NRIP1: variants seen among roughly 807,000 people sequenced by gnomAD.
The protein encoded by NRIP1 is nuclear receptor-interacting protein 1.
A neutral mutation model predicts 75.0 loss-of-function variants in NRIP1; 28 were observed. The ratio of observed to expected loss-of-function variants is 0.37; its 90% CI spans 0.28 to 0.51. NRIP1 has a LOEUF of 0.51. Ranked by LOEUF, NRIP1 falls within the 20% of genes least tolerant of loss-of-function variation. NRIP1 has a pLI of 0.92. For synonymous variants in NRIP1, 526 were observed against 487.6 expected (o/e 1.08, Z -1.04); for missense variants, 1,435 against 1,343.7 (o/e 1.07, Z -1.06).
At chr21:15,045,018 A>G (rs2089039043) in intron 1 of NRIP1, among the ~76,000 whole-genome samples, 1 of 152,218 alleles carries the variant, frequency 6.6e-6, no homozygotes, top group South Asian at 2.1e-4. Context: ...ACCAACTACA[A>G]TGAAAAATAT....
rs1600796266 is a variant in NRIP1, at chr21:14,963,541, T to C, written c.*1175A>G. On this transcript the variant is annotated 3_prime_UTR_variant, in exon 4 of 4. Transcript: ENST00000318948. ...AATTTTGAGCTGATGTGTGACTGTA[T>C]TGGGGAAAATAGAGGCATCACATAG... 1.3e-5 allele frequency: 2 copies of C among 152,518 alleles called. No homozygotes were observed. The highest frequency in any genetic ancestry group is 1.3e-4 in the Admixed American group (2 of 15,258). 9.4% of individuals were successfully genotyped at this position (152,518 alleles called of 1,614,324 possible).
At chr21:14,978,463 G>T (rs1343912545) in intron 3 of NRIP1, among the ~76,000 whole-genome samples, 2 of 152,118 alleles carry the variant, frequency 1.3e-5, no homozygotes, top group African/African-American at 4.8e-5. Flanking sequence ...CTTCTGTAGG[G>T]TCACAGAATT....
chr21:15,046,268 C>A (rs2089072262), intron 1 of NRIP1, among the ~76,000 whole-genome samples: 1 of 152,202 alleles, frequency 6.6e-6, no homozygotes. Flanking sequence ...ACTCCTTGAT[C>A]CACAGGCTAC....
chr21:14,983,030 C>G (rs1165361540), intron 3 of NRIP1, among the ~76,000 whole-genome samples: 3 of 151,878 alleles, frequency 2.0e-5, no homozygotes, highest in African/African-American at 7.3e-5. Flanking sequence ...CTTTTTATTG[C>G]CTGAGACACA....
At position 14,964,956 on chromosome 21, in the gene NRIP1, A is replaced by G. The variant is rs952504344; in HGVS notation, c.3237T>C (p.Val1079=). 6.2e-7 allele frequency: 1 copy of G among 1,613,996 alleles called. No homozygotes were observed. The highest frequency in any genetic ancestry group is 1.3e-5 in the African/African-American group (1 of 75,040). Residue 1079 remains valine (V), a synonymous_variant, in exon 4 of 4, where the codon GTT becomes GTC. Coordinates refer to ENST00000318948, the MANE Select transcript of NRIP1 (RefSeq NM_003489.4). The part of the protein sequence containing the change: ...YYMLQKGGNS[V]TSRETQDKDI... ...CCTTGTCTTGTGTTTCTCGACTGGT[A>G]ACAGAATTGCCTCCTTTTTGAAGCA...
In NRIP1 at chr21:14,967,975, T is replaced by C. The variant is rs1375310478; in HGVS notation, c.218A>G (p.Tyr73Cys). The C allele has an allele frequency of 6.2e-7, 1 of 1,613,998 alleles. No homozygotes were observed. The highest frequency in any genetic ancestry group is 2.2e-5 in the East Asian group (1 of 44,858). Residue 73 changes from tyrosine (Y) to cysteine (C), a missense_variant, in exon 4 of 4, where the codon TAT becomes TGT. Physicochemically the swap from Tyr to Cys is radical, Grantham distance 194. Transcript: ENST00000318948. Reference protein sequence around the residue: ...SNGPVLNTHTYQGSGMLHLKK... With the variant: ...SNGPVLNTHTCQGSGMLHLKK... ...GAGGTGCAGCATGCCAGACCCCTGATATGTATGTGTATTGAGAACTGGACC... is the reference window on the plus strand; with the variant it reads ...GAGGTGCAGCATGCCAGACCCCTGACATGTATGTGTATTGAGAACTGGACC...
intron 2 of NRIP1, among the ~76,000 whole-genome samples, chr21:15,036,536 G>A (rs942006177): frequency 6.7e-6 from 1 of 149,614 alleles, no homozygotes; most frequent in African/African-American, 2.5e-5. Flanking sequence ...TTCTTTCTGT[G>A]AACTAAATTT....
chr21:14,992,122 G>C (rs1215313216), intron 3 of NRIP1: 2 of 152,464 alleles, frequency 1.3e-5, no homozygotes, highest in African/African-American at 2.4e-5. Flanking sequence ...ACTGCAGCCT[G>C]AAACTCCTGG....
At chr21:15,038,796 G>A (rs918894332) in intron 2 of NRIP1, among the ~76,000 whole-genome samples, 1 of 151,936 alleles carries the variant, frequency 6.6e-6, no homozygotes, top group African/African-American at 2.4e-5. Context: ...AAAAAAAAAT[G>A]TGTATCTTCT....
At chr21:15,053,865 AC>A (rs1333093002) in intron 1 of NRIP1, among the ~76,000 whole-genome samples, 2 of 152,240 alleles carry the variant, frequency 1.3e-5, no homozygotes, top group Admixed American at 1.3e-4. Context: ...CTTTGTCTTC[AC>A]AAAGCAAGAA....
intron 3 of NRIP1, among the ~76,000 whole-genome samples, chr21:14,970,495 G>A (rs1027170394): frequency 5.3e-5 from 8 of 152,130 alleles, no homozygotes; most frequent in Non-Finnish European, 8.8e-5. Context: ...GCAGTGAGCC[G>A]AGATCGTGCC....
At chr21:14,988,128 C>T (rs1446750666) in intron 3 of NRIP1, 1 of 152,134 alleles carries the variant, frequency 6.6e-6, no homozygotes, top group Non-Finnish European at 1.5e-5. Flanking sequence ...ATTCCTGACT[C>T]TGCTATTCAG....
chr21:15,050,124 A>G (rs534014782), intron 1 of NRIP1: 1 of 152,758 alleles, frequency 6.5e-6, no homozygotes, highest in South Asian at 2.1e-4. Flanking sequence ...TGGTATTTTA[A>G]TTTTCTTTCT....
chr21:14,989,890 A>T (rs1471554734), intron 3 of NRIP1, among the ~76,000 whole-genome samples: 2 of 152,150 alleles, frequency 1.3e-5, no homozygotes, highest in African/African-American at 4.8e-5. Context: ...ACTAGAAAAT[A>T]AACAAAAACT....
intron 3 of NRIP1, among the ~76,000 whole-genome samples, chr21:14,984,113 G>A (rs1183512650): frequency 1.3e-5 from 2 of 152,064 alleles, no homozygotes; most frequent in African/African-American, 4.8e-5. Flanking sequence ...ATTGGATCTG[G>A]GCAGAGTCAA....
intron 3 of NRIP1, among the ~76,000 whole-genome samples, chr21:14,972,874 T>G (rs1200229033): frequency 1.3e-5 from 2 of 152,216 alleles, no homozygotes; most frequent in African/African-American, 4.8e-5. Flanking sequence ...GCCACCGATG[T>G]GACAGGAGGC....
At chr21:15,050,769 G>C (rs1420178347) in intron 1 of NRIP1, 1 of 456,032 alleles carries the variant, frequency 2.2e-6, no homozygotes, top group Non-Finnish European at 4.4e-6. Flanking sequence ...GCCAGCCAAC[G>C]CTTAGAGAAG....
intron 2 of NRIP1, among the ~76,000 whole-genome samples, chr21:15,029,955 C>G: frequency 6.6e-6 from 1 of 152,240 alleles, no homozygotes; most frequent in East Asian, 1.9e-4. Context: ...CAAAAACACA[C>G]TGTCCTCTTC....
At chr21:15,041,586 C>T (rs189611490) in intron 2 of NRIP1, among the ~76,000 whole-genome samples, 13 of 152,210 alleles carry the variant, frequency 8.5e-5, no homozygotes, top group Admixed American at 3.9e-4. Context: ...GGGAATTTGT[C>T]GATTTAATCC....
Sources: gnomAD v4.1 joint callset for allele counts (sites outside exome capture counted in the v4.1 genomes callset) on GRCh38, gnomAD v4.1.1 for gene constraint, MANE v1.5 for transcripts, NCBI Gene and HGNC (gene_info 2026-07-23, HGNC 2026-07-21) for gene names.